Variants in RNF135 observed in about 807,000 individuals in gnomAD.
RNF135 encodes ring finger protein 135.
RNF135 carries 46 observed loss-of-function variants against 41.9 expected under a neutral mutation model. That is an observed-to-expected ratio of 1.10 (90% CI 0.87 to 1.40). RNF135 has a LOEUF of 1.40. Among genes scored for constraint, RNF135 ranks in the 40% most tolerant of loss-of-function variants. The pLI is 0.00. For missense variants in RNF135, 539 were observed against 549.8 expected (o/e 0.98, Z 0.20); for synonymous variants, 238 against 223.8 (o/e 1.06, Z -0.57).
intron 1 of RNF135, among the ~76,000 whole-genome samples, chr17:30,981,195 CA>C (rs1214218687): frequency 1.4e-5 from 2 of 146,530 alleles, no homozygotes; most frequent in Non-Finnish European, 3.0e-5. Flanking sequence ...CCGTCTCCAC[CA>C]AAAAAAAACG....
At chr17:30,974,178 T>C (rs1178551464) in intron 1 of RNF135, among the ~76,000 whole-genome samples, 1 of 152,240 alleles carries the variant, frequency 6.6e-6, no homozygotes, top group African/African-American at 2.4e-5. Flanking sequence ...CACTCCAGCC[T>C]GGGTAATGGA....
chr17:30,978,260 G>T (rs1378260055), intron 1 of RNF135, among the ~76,000 whole-genome samples: 1 of 152,030 alleles, frequency 6.6e-6, no homozygotes, highest in African/African-American at 2.4e-5. Flanking sequence ...CTTGTATGTA[G>T]ATATTGATGT....
chr17:30,997,791 A>G (rs1224089292), intron 4 of RNF135, among the ~76,000 whole-genome samples: 1 of 152,184 alleles, frequency 6.6e-6, no homozygotes, highest in Non-Finnish European at 1.5e-5. Context: ...TAAGCTTCCT[A>G]GAGCCTGGGT....
intron 2 of RNF135, 118 bp downstream of exon 2, chr17:30,984,878 T>C: frequency 8.4e-7 from 1 of 1,190,340 alleles, no homozygotes; most frequent in Non-Finnish European, 1.2e-6. Flanking sequence ...AATCTTTTAT[T>C]GTTCTCTTTA....
intron 1 of RNF135, among the ~76,000 whole-genome samples, chr17:30,981,909 G>T (rs1342874643): frequency 6.6e-6 from 1 of 152,236 alleles, no homozygotes; most frequent in African/African-American, 2.4e-5. Flanking sequence ...CAGTCTGTCT[G>T]TGTGCTGAGC....
At position 30,971,264 on chromosome 17, in the gene RNF135, A is replaced by T. The variant is rs1363093544; in HGVS notation, c.191A>T (p.Gln64Leu). The T allele has an allele frequency of 1.3e-6, 2 of 1,523,440 alleles. No homozygotes were observed. Among genetic ancestry groups the T allele is most frequent in the East Asian group, 2.6e-5 (1 of 38,742 alleles). The allele number at this position is 1,523,440 out of a possible 1,614,324, so 94.4% of individuals were successfully genotyped here. A position where few individuals can be genotyped will look rare whatever the true frequency, so the allele number is the denominator to read the frequency against. ...CGCTGGGCCTGCCCCACTTGCCGCC[A>T]GGGCGCCGCGCAGCAGCCGCACCTG... Reference protein sequence around the residue: ...ARRWACPTCRQGAAQQPHLRK... With the variant: ...ARRWACPTCRLGAAQQPHLRK... Residue 64 changes from glutamine (Q) to leucine (L), a missense_variant, in exon 1 of 5, where the codon CAG becomes CTG. Gln to Leu is a moderately radical substitution (Grantham distance 113). Coordinates refer to ENST00000328381, the MANE Select transcript of RNF135 (RefSeq NM_032322.4).
upstream of RNF135, chr17:30,969,463 G>C (rs1453378236): frequency 1.3e-5 from 2 of 152,224 alleles, no homozygotes; most frequent in South Asian, 4.1e-4. Flanking sequence ...TTGGCAGGGA[G>C]TCTGCTCATC....
At chr17:30,966,174 T>C (rs1204832439), upstream of RNF135, among the ~76,000 whole-genome samples, 1 of 152,066 alleles carries the variant, frequency 6.6e-6, no homozygotes, top group Non-Finnish European at 1.5e-5. Context: ...CATCCTGGCT[T>C]CTAATTTAAA....
At position 30,971,125 on chromosome 17, in the gene RNF135, G is replaced by T; in HGVS notation, c.52G>T (p.Asp18Tyr). 6.5e-7 allele frequency: 1 copy of T among 1,534,102 alleles called. No homozygotes were observed. ...CGTTCCCGTGTGGCTGGCCGAGGAC[G>T]ACCTCGGCTGCATCATCTGCCAGGG... is the stretch of plus-strand genomic sequence containing the variant. ...SAVPVWLAEDDLGCIICQGLL... is the reference protein window; with the variant it reads ...SAVPVWLAEDYLGCIICQGLL... Residue 18 changes from aspartate to tyrosine, a missense_variant, in exon 1 of 5, where the codon GAC (aspartate) becomes TAC (tyrosine). Coordinates refer to ENST00000328381, the MANE Select transcript of RNF135 (RefSeq NM_032322.4).
chr17:30,967,704 C>CTTT (rs561517645), upstream of RNF135, among the ~76,000 whole-genome samples: 2 of 138,744 alleles, frequency 1.4e-5, no homozygotes, highest in Non-Finnish European at 3.2e-5. Flanking sequence ...GACAAAATTT[C>CTTT]TTTTTTTTTT....
chr17:30,971,184 C>A lies in RNF135; in HGVS notation c.111C>A (p.Gly37=). The A allele has an allele frequency of 6.6e-7, 1 of 1,526,442 alleles. No individual in the cohort carries two copies. Among genetic ancestry groups the A allele is most frequent in the Non-Finnish European group, 8.7e-7 (1 of 1,143,152 alleles). The allele number at this position is 1,526,442 out of a possible 1,614,324, so 94.6% of individuals were successfully genotyped here. Residue 37 remains glycine (G), a synonymous_variant, in exon 1 of 5, where the codon GGC becomes GGA. Transcript: ENST00000328381. ...ACTGGCCCGCCACGCTGCCCTGCGGCCACAGCTTCTGCCGCCACTGCCTGG... is the reference window on the plus strand; with the variant it reads ...ACTGGCCCGCCACGCTGCCCTGCGGACACAGCTTCTGCCGCCACTGCCTGG... ...LLDWPATLPC[G]HSFCRHCLEA...
rs10221201 is a variant in RNF135, at chr17:30,999,483, C to T, written c.*292C>T. 27,043 of 415,624 alleles carry T rather than the reference C, an allele frequency of 0.065. 4,870 individuals carry two copies. Among genetic ancestry groups the T allele is most frequent in the African/African-American group, 0.43 (21,541 of 49,550 alleles). The allele number at this position is 415,624 out of a possible 1,614,324, so 25.7% of individuals were successfully genotyped here. ...GAACTTGGGATGTTTGAACCCTGGACATTCCAAATAAAGAATAGGCCCCTG... is the reference window on the plus strand; with the variant it reads ...GAACTTGGGATGTTTGAACCCTGGATATTCCAAATAAAGAATAGGCCCCTG... On this transcript the variant is annotated 3_prime_UTR_variant, in exon 5 of 5. Transcript: ENST00000328381.
At chr17:30,978,635 T>C (rs1398227239) in intron 1 of RNF135, 1 of 149,344 alleles carries the variant, frequency 6.7e-6, no homozygotes, top group African/African-American at 2.5e-5. Flanking sequence ...TTATTGATCA[T>C]TCTTGGGTGT....
At chr17:30,978,159 CCTTT>C (rs1906630442) in intron 1 of RNF135, among the ~76,000 whole-genome samples, 1 of 152,126 alleles carries the variant, frequency 6.6e-6, no homozygotes, top group South Asian at 2.1e-4. Flanking sequence ...GCTTTAGGAT[CCTTT>C]CTTTAACCTT....
At chr17:30,996,020 G>A (rs951566973) in intron 3 of RNF135, among the ~76,000 whole-genome samples, 8 of 150,180 alleles carry the variant, frequency 5.3e-5, no homozygotes, top group African/African-American at 2.0e-4. Flanking sequence ...CAGGTGATCC[G>A]CCCGCCTCAG....
the RNF135 span, chr17:30,965,452 A>G: frequency 1.3e-5 from 2 of 152,192 alleles, no homozygotes; most frequent in African/African-American, 4.8e-5. Context: ...TCCAAAAAAT[A>G]TTAGATTGAC....
At chr17:30,971,763 A>G in intron 1 of RNF135, 1 of 1,166,552 alleles carries the variant, frequency 8.6e-7, no homozygotes, top group Non-Finnish European at 1.1e-6. Flanking sequence ...TCTATATAAC[A>G]TTAAAACTGG....
intron 1 of RNF135, chr17:30,976,081 C>G (rs1296479890): frequency 5.3e-6 from 1 of 190,030 alleles, no homozygotes; most frequent in Non-Finnish European, 1.1e-5. Flanking sequence ...TCTCTGCTCA[C>G]TGCAACCTCC....
upstream of RNF135, chr17:30,970,752 C>A: frequency 2.4e-6 from 1 of 413,830 alleles, no homozygotes; most frequent in South Asian, 3.3e-5. Flanking sequence ...AGACATCCAA[C>A]GGTGCTGCAT....
Sources: allele counts gnomAD v4.1 joint callset (sites outside exome capture counted in the v4.1 genomes callset), GRCh38; gene constraint gnomAD v4.1.1; transcripts MANE v1.5; gene names NCBI Gene and HGNC (gene_info 2026-07-23, HGNC 2026-07-21).